The following NCAM1 variants were observed in gnomAD, a reference collection of about 807,000 sequenced individuals.
NCAM1 encodes neural cell adhesion molecule 1.
A neutral mutation model predicts 109.8 loss-of-function variants in NCAM1; 14 were observed. The ratio of observed to expected loss-of-function variants is 0.13; its 90% CI spans 0.08 to 0.20. The LOEUF (loss-of-function observed/expected upper bound fraction) is 0.20. NCAM1 is among the 10% of genes least tolerant of loss of function. The probability of loss-of-function intolerance (pLI) is 1.00; values close to 1 mark genes in which losing one functional copy is unlikely to be tolerated. For missense variants in NCAM1, 774 were observed against 1,109.9 expected (o/e 0.70, Z 4.30); for synonymous variants, 418 against 442.9 (o/e 0.94, Z 0.70).
chr11:113,102,729 T>A lies in NCAM1; in HGVS notation c.53-99650T>A, dbSNP rs112914597. The stretch of plus-strand genomic sequence containing the variant: ...GCAACGTAGACCATTATTCTACTAT[T>A]GCACTAAAAGGAGCCATGGAAAGCT... On this transcript the variant is annotated intron_variant, in intron 1 of 19. Coordinates refer to ENST00000316851, the MANE Select transcript of NCAM1 (RefSeq NM_181351.5). Among the ~76,000 whole-genome samples the A allele has an allele frequency of 6.3e-3, 964 of 152,336 alleles. 8 individuals carry two copies. The highest frequency in any genetic ancestry group is 0.022 in the African/African-American group (916 of 41,564).
At chr11:113,033,389 G>T (rs146546912) in intron 1 of NCAM1, among the ~76,000 whole-genome samples, 3 of 152,270 alleles carry the variant, frequency 2.0e-5, no homozygotes, top group Admixed American at 6.5e-5. Flanking sequence ...GGAGTTGGGG[G>T]TGCCCAGCTT....
chr11:113,161,592 G>C (rs1942602798), intron 1 of NCAM1, among the ~76,000 whole-genome samples: 1 of 152,278 alleles, frequency 6.6e-6, no homozygotes, highest in East Asian at 1.9e-4. Flanking sequence ...AAAACATTTA[G>C]TGCTTTTATC....
At chr11:112,969,449 T>C (rs1950818350) in intron 1 of NCAM1, among the ~76,000 whole-genome samples, 1 of 152,102 alleles carries the variant, frequency 6.6e-6, no homozygotes, top group Non-Finnish European at 1.5e-5. Flanking sequence ...GGAATTCCTG[T>C]GGCTTCTGGA....
chr11:113,236,259 T>C lies in NCAM1; in HGVS notation c.1825+1095T>C, dbSNP rs781834225. ...TTTTTTTTTTCTTGGGTCTGTCTCT[T>C]GTTTTTTCTTTTCGTCTGTGTTCCA... On this transcript the variant is annotated intron_variant, in intron 14 of 19. Coordinates refer to ENST00000316851, the MANE Select transcript of NCAM1 (RefSeq NM_181351.5). 5 of 1,610,960 alleles carry C rather than the reference T, an allele frequency of 3.1e-6. No individual in the cohort carries two copies. In the East Asian group the frequency reaches 1.1e-4, roughly 36 times the overall value.
At chr11:113,168,995 C>A in intron 1 of NCAM1, among the ~76,000 whole-genome samples, 1 of 148,992 alleles carries the variant, frequency 6.7e-6, no homozygotes, top group East Asian at 2.0e-4. Context: ...TGCTTGTGTG[C>A]GTATTAAAGA....
intron 17 of NCAM1, among the ~76,000 whole-genome samples, chr11:113,262,595 C>T (rs1204620090): frequency 1.3e-5 from 2 of 152,194 alleles, no homozygotes; most frequent in Non-Finnish European, 2.9e-5. Flanking sequence ...CCTCTCTAAC[C>T]TTTGTCAATT....
At chr11:113,140,549 C>A (rs1303946628) in intron 1 of NCAM1, among the ~76,000 whole-genome samples, 6 of 152,186 alleles carry the variant, frequency 3.9e-5, no homozygotes, top group Non-Finnish European at 8.8e-5. Context: ...CCTTTTATAA[C>A]ATGCATTGCT....
At chr11:112,975,326 T>C (rs1192312871) in intron 1 of NCAM1, among the ~76,000 whole-genome samples, 1 of 152,004 alleles carries the variant, frequency 6.6e-6, no homozygotes, top group African/African-American at 2.4e-5. Context: ...ACTAGAAACA[T>C]TGACTTAATC....
chr11:113,078,057 C>G (rs570661588), intron 1 of NCAM1, among the ~76,000 whole-genome samples: 2 of 152,072 alleles, frequency 1.3e-5, no homozygotes, highest in African/African-American at 4.8e-5. Context: ...ACAATTAGTA[C>G]GATCTTGGTG....
At chr11:113,108,910 G>T (rs1555093085) in intron 1 of NCAM1, among the ~76,000 whole-genome samples, 1 of 151,248 alleles carries the variant, frequency 6.6e-6, no homozygotes, top group Admixed American at 6.6e-5. Flanking sequence ...CAAGTAGCTG[G>T]TATTTTTAGT....
intron 1 of NCAM1, among the ~76,000 whole-genome samples, chr11:113,045,153 A>C (rs1416631655): frequency 1.3e-5 from 2 of 152,212 alleles, no homozygotes; most frequent in Non-Finnish European, 2.9e-5. Flanking sequence ...ATAAAGATAC[A>C]AGTGTTTACA....
intron 1 of NCAM1, among the ~76,000 whole-genome samples, chr11:113,100,720 A>T (rs536817177): frequency 6.6e-6 from 1 of 151,978 alleles, no homozygotes; most frequent in South Asian, 2.1e-4. Flanking sequence ...TTTTATGGGT[A>T]GAAGATGTGG....
intron 7 of NCAM1, among the ~76,000 whole-genome samples, chr11:113,210,348 T>C (rs782331934): frequency 2.0e-5 from 3 of 152,154 alleles, no homozygotes; most frequent in Non-Finnish European, 4.4e-5. Context: ...AGGAACCTGA[T>C]CACAGAGGGA....
chr11:113,229,688 G>A (rs1466049595), intron 9 of NCAM1, among the ~76,000 whole-genome samples: 35 of 152,288 alleles, frequency 2.3e-4, no homozygotes, highest in Non-Finnish European at 4.7e-4. Flanking sequence ...CAACCCAAAT[G>A]TCCATCAATG....
At chr11:113,114,301 G>A (rs554799085) in intron 1 of NCAM1, among the ~76,000 whole-genome samples, 6 of 152,272 alleles carry the variant, frequency 3.9e-5, no homozygotes, top group South Asian at 2.1e-4. Context: ...AGGTTTGGCC[G>A]TGGCCACTCT....
intron 1 of NCAM1, among the ~76,000 whole-genome samples, chr11:113,019,157 A>T (rs1952306179): frequency 1.3e-5 from 2 of 152,108 alleles, no homozygotes; most frequent in South Asian, 4.2e-4. Context: ...CCTCTGCGCC[A>T]TTCGATAGGC....
At chr11:113,083,354 A>G (rs782160879) in intron 1 of NCAM1, among the ~76,000 whole-genome samples, 2 of 151,930 alleles carry the variant, frequency 1.3e-5, no homozygotes, top group Non-Finnish European at 2.9e-5. Flanking sequence ...GTCTTTAGTC[A>G]TTTTAACTGT....
rs564555108 is a variant in NCAM1, at chr11:113,076,593, T to C, written c.52+114929T>C. Reference sequence around the variant, plus strand: ...TGACTTTTTTCTTGTATTCTATTTCTCAGCATCAAACCATTTCTTCTAATG... The same window carrying C: ...TGACTTTTTTCTTGTATTCTATTTCCCAGCATCAAACCATTTCTTCTAATG... On this transcript the variant is annotated intron_variant, in intron 1 of 19. Coordinates refer to ENST00000316851, the MANE Select transcript of NCAM1 (RefSeq NM_181351.5). Among the ~76,000 whole-genome samples, 11 of 152,330 alleles carry C rather than the reference T, an allele frequency of 7.2e-5. No individual in the cohort carries two copies. In the South Asian group the frequency reaches 2.3e-3, roughly 32 times the overall value.
Position 113,221,336 on chromosome 11 carries a change from C to G in NCAM1, c.1089+11C>G. 1 of 1,567,342 alleles carries G rather than the reference C, an allele frequency of 6.4e-7. No individual in the cohort carries two copies. On this transcript the variant is annotated intron_variant, in intron 9 of 19. Transcript: ENST00000316851. ...CCAGAGAAGCAAGAGGTATAGCTTA[C>G]CTGACCACTAGCCAGTCTTTAGTTT... is the stretch of plus-strand genomic sequence containing the variant.
Sources: gnomAD v4.1 joint callset for allele counts (sites outside exome capture counted in the v4.1 genomes callset) on GRCh38, gnomAD v4.1.1 for gene constraint, MANE v1.5 for transcripts, NCBI Gene and HGNC (gene_info 2026-07-23, HGNC 2026-07-21) for gene names.